Variants in ARHGAP32 observed in about 807,000 individuals in gnomAD.
ARHGAP32 encodes the protein rho GTPase-activating protein 32.
Under a neutral mutation model 186.5 loss-of-function variants are expected in ARHGAP32, and 51 were observed. The ratio of observed to expected loss-of-function variants is 0.27; its 90% CI spans 0.22 to 0.35. ARHGAP32 has a LOEUF of 0.35. Ranked by LOEUF, ARHGAP32 falls within the 10% of genes least tolerant of loss-of-function variation. ARHGAP32 has a pLI of 1.00. For missense variants in ARHGAP32, 2,186 were observed against 2,623.5 expected, an observed-to-expected ratio of 0.83 and a Z score of 3.64; for synonymous variants, 950 against 964.3, an observed-to-expected ratio of 0.99 and a Z score of 0.27.
At position 129,231,028 on chromosome 11, in the gene ARHGAP32, G is replaced by C. The variant is rs191094670; in HGVS notation, c.-5+48118C>G. Among the ~76,000 whole-genome samples, 204 of 152,156 alleles carry C rather than the reference G, an allele frequency of 1.3e-3. 1 individual carries two copies. The highest frequency in any genetic ancestry group is 2.8e-4 in the Non-Finnish European group (19 of 67,984). The stretch of plus-strand genomic sequence containing the variant: ...TGGGTGCCTGTAATCCCAGCTACTC[G>C]GGAGGCTGAGCAGGAGAATCGCTTG... On this transcript the variant is annotated intron_variant, in intron 1 of 6. Transcript: ENST00000525234.
intron 1 of ARHGAP32, among the ~76,000 whole-genome samples, chr11:129,186,404 G>A (rs796178345): frequency 2.0e-5 from 3 of 152,306 alleles, no homozygotes; most frequent in African/African-American, 7.2e-5. Context: ...TATGAAGACA[G>A]CCTAATGGCT....
intron 1 of ARHGAP32, among the ~76,000 whole-genome samples, chr11:129,251,701 G>T (rs1945186270): frequency 6.6e-6 from 1 of 151,924 alleles, no homozygotes. Context: ...CGAGGTGGGG[G>T]GATCACCAGA....
chr11:128,994,859 A>G (rs914478320), intron 12 of ARHGAP32, among the ~76,000 whole-genome samples: 1 of 152,172 alleles, frequency 6.6e-6, no homozygotes, highest in Non-Finnish European at 1.5e-5. Flanking sequence ...AAATTATTTT[A>G]ATATGCCAAG....
intron 2 of ARHGAP32, among the ~76,000 whole-genome samples, chr11:129,158,415 G>T (rs185226187): frequency 7.5e-5 from 11 of 146,908 alleles, no homozygotes; most frequent in Non-Finnish European, 9.0e-5. Context: ...AAAAAAAGCA[G>T]AGAATGCAAT....
At chr11:129,165,482 C>A (rs968899985) in intron 1 of ARHGAP32, among the ~76,000 whole-genome samples, 1 of 150,110 alleles carries the variant, frequency 6.7e-6, no homozygotes, top group African/African-American at 2.5e-5. Context: ...ATCAGAAGTA[C>A]GAGAAGAAAA....
chr11:129,150,965 A>G (rs1000789822), intron 2 of ARHGAP32, among the ~76,000 whole-genome samples: 3 of 151,788 alleles, frequency 2.0e-5, no homozygotes, highest in African/African-American at 7.3e-5. Flanking sequence ...CCAACCGATT[A>G]TTTGCTGTCT....
chr11:129,036,789 T>C (rs1177321300), intron 11 of ARHGAP32, among the ~76,000 whole-genome samples: 2 of 152,182 alleles, frequency 1.3e-5, no homozygotes, highest in Admixed American at 1.3e-4. Context: ...ACTAGATGAT[T>C]TCCCCTAAAA....
At chr11:128,973,676 G>A (rs1286411957) in intron 21 of ARHGAP32, 6 of 555,878 alleles carry the variant, frequency 1.1e-5, no homozygotes, top group Non-Finnish European at 1.9e-5. Flanking sequence ...GAGATGGGGG[G>A]GAAAAAAAGC....
At chr11:129,154,409 T>C (rs1943356362) in intron 2 of ARHGAP32, among the ~76,000 whole-genome samples, 1 of 152,144 alleles carries the variant, frequency 6.6e-6, no homozygotes, top group Non-Finnish European at 1.5e-5. Flanking sequence ...GAAGTCATTA[T>C]ATGAAAAAGA....
chr11:129,062,268 G>C lies in ARHGAP32; in HGVS notation c.963+12C>G. ...CTTTGAATTTTCCCACACCTAATTT[G>C]CTGCTGCCTACCTGGAATCCGTGCT... is the stretch of plus-strand genomic sequence containing the variant. On this transcript the variant is annotated intron_variant, in intron 10 of 22. Transcript: ENST00000682385. The C allele has an allele frequency of 2.5e-6, 4 of 1,611,718 alleles. No homozygotes were observed. Among genetic ancestry groups the C allele is most frequent in the Non-Finnish European group, 3.4e-6 (4 of 1,178,272 alleles).
intron 10 of ARHGAP32, among the ~76,000 whole-genome samples, chr11:129,042,340 T>C (rs1229520894): frequency 6.6e-6 from 1 of 152,156 alleles, no homozygotes; most frequent in Non-Finnish European, 1.5e-5. Context: ...TGTGTAGAGA[T>C]GAGGTATCAT....
At chr11:129,247,321 G>A (rs1945114477) in intron 1 of ARHGAP32, among the ~76,000 whole-genome samples, 1 of 152,170 alleles carries the variant, frequency 6.6e-6, no homozygotes, top group South Asian at 2.1e-4. Context: ...GCAGTGATAA[G>A]ATCTTAAACT....
At chr11:129,173,328 C>CAA (rs761786419) in intron 1 of ARHGAP32, among the ~76,000 whole-genome samples, 3 of 124,808 alleles carry the variant, frequency 2.4e-5, no homozygotes, top group Non-Finnish European at 3.5e-5. Flanking sequence ...ATAGACCAAC[C>CAA]AAAAAAAAAA....
intron 2 of ARHGAP32, among the ~76,000 whole-genome samples, chr11:129,142,190 T>G (rs1259025187): frequency 6.6e-6 from 1 of 152,154 alleles, no homozygotes; most frequent in South Asian, 2.1e-4. Flanking sequence ...GAGGAAGAAA[T>G]ACCCCGGCTC....
intron 5 of ARHGAP32, among the ~76,000 whole-genome samples, chr11:129,117,303 G>A (rs540676371): frequency 6.6e-5 from 10 of 152,136 alleles, no homozygotes; most frequent in African/African-American, 2.2e-4. Flanking sequence ...GTTGTGGAGC[G>A]TAATTGAGAC....
intron 11 of ARHGAP32, among the ~76,000 whole-genome samples, chr11:129,006,142 T>C (rs1476512925): frequency 6.6e-6 from 1 of 152,184 alleles, no homozygotes; most frequent in Non-Finnish European, 1.5e-5. Flanking sequence ...CTGTGTTACC[T>C]TGAATTTCTT....
At chr11:129,093,564 ATCAC>A in intron 6 of ARHGAP32, 53 bp downstream of exon 6, 1 of 1,197,698 alleles carries the variant, frequency 8.3e-7, no homozygotes, top group East Asian at 2.5e-5. Flanking sequence ...AAATTTAATC[ATCAC>A]TCAACCTAAT....
intron 1 of ARHGAP32, among the ~76,000 whole-genome samples, chr11:129,212,415 T>A (rs577212940): frequency 1.5e-4 from 23 of 152,318 alleles, no homozygotes; most frequent in African/African-American, 5.5e-4. Context: ...CAGAAAGTTT[T>A]ATTTCAGCTC....
Position 129,062,289 on chromosome 11 carries a change from G to A in ARHGAP32, c.954C>T (p.His318=), listed in dbSNP as rs770717343. The A allele has an allele frequency of 2.4e-5, 38 of 1,613,252 alleles. No homozygotes were observed. The highest frequency in any genetic ancestry group is 6.7e-5 in the Admixed American group (4 of 59,980). The change falls in exon 10 of 23, where the codon CAC becomes CAT. Residue 318 remains histidine, a synonymous_variant. Transcript: ENST00000682385. ...ATTTGCTGCTGCCTACCTGGAATCC[G>A]TGCTTGCCTCTCCACCATGTGCTTA... is the stretch of plus-strand genomic sequence containing the variant. ...KVLSTWWRGK[H]GFQVGLFPGH...
Sources: allele counts gnomAD v4.1 joint callset (sites outside exome capture counted in the v4.1 genomes callset), GRCh38; gene constraint gnomAD v4.1.1; transcripts MANE v1.5; gene names NCBI Gene and HGNC (gene_info 2026-07-23, HGNC 2026-07-21).